Variants in BBS7 observed in about 807,000 individuals in gnomAD.
BBS7 encodes Bardet-Biedl syndrome 7.
Under a neutral mutation model 90.3 loss-of-function variants are expected in BBS7, and 50 were observed. That is an observed-to-expected ratio of 0.55 (90% CI 0.44 to 0.70). BBS7 has a LOEUF of 0.70. Ranked by LOEUF, BBS7 falls within the 30% of genes least tolerant of loss-of-function variation. The probability of loss-of-function intolerance (pLI) is 0.00; values close to 1 mark genes in which losing one functional copy is unlikely to be tolerated. For missense variants in BBS7, 729 were observed against 838.9 expected, an observed-to-expected ratio of 0.87 and a Z score of 1.62; for synonymous variants, 235 against 287.4, an observed-to-expected ratio of 0.82 and a Z score of 1.85.
chr4:121,848,373 C>T (rs1217531158), intron 9 of BBS7, among the ~76,000 whole-genome samples: 1 of 152,152 alleles, frequency 6.6e-6, no homozygotes, highest in Non-Finnish European at 1.5e-5. Context: ...TGATGTGAAT[C>T]ATCCCTTTGT....
At chr4:121,851,866 A>T (rs555073102) in intron 8 of BBS7, among the ~76,000 whole-genome samples, 39 of 152,222 alleles carry the variant, frequency 2.6e-4, no homozygotes, top group Non-Finnish European at 5.0e-4. Context: ...GACAGAAGAA[A>T]TAGGAAGAGG....
chr4:121,825,831 C>T lies in BBS7; in HGVS notation c.*29G>A. 6.2e-7 allele frequency: 1 copy of T among 1,609,572 alleles called. No homozygotes were observed. The highest frequency in any genetic ancestry group is 1.1e-5 in the South Asian group (1 of 90,858). On this transcript the variant is annotated 3_prime_UTR_variant, in exon 19 of 19. Transcript: ENST00000264499. ...TAACATTTTTCATTTAAACAGACCA[C>T]TTCTTTGGGACTTTACCTTATTTGT...
At chr4:121,846,514 T>C (rs6854003) in intron 10 of BBS7, among the ~76,000 whole-genome samples, 151,774 of 152,304 alleles carry the variant, frequency 1, 75,622 homozygotes, top group Middle Eastern at 1. Flanking sequence ...CAGATATAAG[T>C]TTCTCATAAA....
chr4:121,866,239 GT>G (rs1727265307), intron 2 of BBS7, among the ~76,000 whole-genome samples: 1 of 151,908 alleles, frequency 6.6e-6, no homozygotes, highest in African/African-American at 2.4e-5. Flanking sequence ...GATCCCACTT[GT>G]TTATTTTTGC....
At chr4:121,854,250 T>C (rs760696022) in intron 7 of BBS7, among the ~76,000 whole-genome samples, 1 of 152,202 alleles carries the variant, frequency 6.6e-6, no homozygotes, top group Non-Finnish European at 1.5e-5. Context: ...TATATGAACA[T>C]CCTGAACATA....
intron 6 of BBS7, among the ~76,000 whole-genome samples, chr4:121,855,240 C>A (rs937665731): frequency 6.6e-6 from 1 of 151,932 alleles, no homozygotes; most frequent in Admixed American, 6.6e-5. Context: ...CCTGGGAGGT[C>A]GAGGCCGTGG....
At position 121,853,442 on chromosome 4, in the gene BBS7, C is replaced by T. The variant is rs533155641; in HGVS notation, c.719-356G>A. 1.4e-3 allele frequency among the ~76,000 whole-genome samples: 219 copies of T among 152,196 alleles called. 1 individual carries two copies. The highest frequency in any genetic ancestry group is 2.7e-3 in the Non-Finnish European group (183 of 68,002). ...CATACCCCCTCAATACTGCTCCTCCCTCTGTCTTCCCCCATCTCCATAAAT... is the reference window on the plus strand; with the variant it reads ...CATACCCCCTCAATACTGCTCCTCCTTCTGTCTTCCCCCATCTCCATAAAT... On this transcript the variant is annotated intron_variant, in intron 7 of 18. Transcript: ENST00000264499.
At position 121,828,669 on chromosome 4, in the gene BBS7, A is replaced by C; in HGVS notation, c.1736T>G (p.Val579Gly). The C allele has an allele frequency of 1.2e-6, 2 of 1,610,638 alleles. No homozygotes were observed. Among genetic ancestry groups the C allele is most frequent in the Non-Finnish European group, 8.5e-7 (1 of 1,177,558 alleles). ...CCTTTTTGTAGCTTCTTTAGAAAGC[A>C]CATCTTTTAGGATGGAGATAGTAGA... Reference protein sequence around the residue: ...NISTISILKDVLSKEATKRKI... With the variant: ...NISTISILKDGLSKEATKRKI... Residue 579 changes from valine (V) to glycine (G), a missense_variant, in exon 16 of 19, where the codon GTG (valine) becomes GGG (glycine). By Grantham distance (109) the Val-to-Gly change is moderately radical. Transcript: ENST00000264499.
At chr4:121,839,528 G>A (rs1189940188) in intron 13 of BBS7, 103 bp downstream of exon 13, 15 of 984,582 alleles carry the variant, frequency 1.5e-5, no homozygotes, top group Non-Finnish European at 2.4e-5. Context: ...TTCATTTCAG[G>A]GAGAAATTAA....
intron 11 of BBS7, 122 bp downstream of exon 11, chr4:121,845,381 TA>T: frequency 1.8e-6 from 1 of 558,854 alleles, no homozygotes; most frequent in Non-Finnish European, 2.8e-6. Flanking sequence ...AAAATAAAAA[TA>T]AAAATAAAAA....
chr4:121,858,738 A>T (rs1200222312), intron 5 of BBS7: 1 of 413,076 alleles, frequency 2.4e-6, no homozygotes, highest in East Asian at 4.7e-5. Flanking sequence ...CTCCATTCTG[A>T]TAATAGCTCA....
chr4:121,825,810 A>G lies in BBS7; in HGVS notation c.*50T>C. On this transcript the variant is annotated 3_prime_UTR_variant, in exon 19 of 19. Transcript: ENST00000264499. ...AGTTAACTTCTAATTCTCTTTTAAC[A>G]TTTTTCATTTAAACAGACCACTTCT... 1.3e-6 allele frequency: 2 copies of G among 1,587,184 alleles called. No homozygotes were observed. The highest frequency in any genetic ancestry group is 1.1e-5 in the South Asian group (1 of 89,342).
In BBS7 at chr4:121,831,936, C is replaced by T. The variant is rs146703228; in HGVS notation, c.1676+1295G>A. Reference sequence around the variant, plus strand: ...CACAATAATCTGCTTAGGGAAAGAACCTTAAGAGGCAGAGGCAGAGAAAGA... The same window carrying T: ...CACAATAATCTGCTTAGGGAAAGAATCTTAAGAGGCAGAGGCAGAGAAAGA... On this transcript the variant is annotated intron_variant, in intron 15 of 18. Transcript: ENST00000264499. Among the ~76,000 whole-genome samples, 166 of 151,376 alleles carry T rather than the reference C, an allele frequency of 1.1e-3. 1 individual carries two copies. Among genetic ancestry groups the T allele is most frequent in the African/African-American group, 3.8e-3 (158 of 41,134 alleles).
At chr4:121,832,828 T>C (rs985453134) in intron 15 of BBS7, among the ~76,000 whole-genome samples, 56 of 152,226 alleles carry the variant, frequency 3.7e-4, no homozygotes, top group African/African-American at 1.2e-3. Context: ...TTGATGACTA[T>C]AGAATATATT....
chr4:121,840,840 CTT>C (rs140599414), intron 12 of BBS7, among the ~76,000 whole-genome samples: 26 of 141,998 alleles, frequency 1.8e-4, no homozygotes, highest in Middle Eastern at 3.7e-3. Flanking sequence ...TAAATATATT[CTT>C]TTTTTTTTTT....
At chr4:121,863,387 G>A (rs1373750485) in intron 2 of BBS7, 108 bp from the exon 3 acceptor site, 1 of 961,000 alleles carries the variant, frequency 1.0e-6, no homozygotes, top group African/African-American at 1.7e-5. Flanking sequence ...ACTTAATAGA[G>A]ATCAGAAAAT....
chr4:121,833,562 G>GA (rs1165091294), intron 14 of BBS7, among the ~76,000 whole-genome samples, 167 bp from the exon 15 acceptor site: 12 of 151,838 alleles, frequency 7.9e-5, no homozygotes, highest in East Asian at 1.9e-4. Context: ...TCAATTTCAT[G>GA]AAAAAAAATC....
chr4:121,870,408 C>G lies in BBS7; in HGVS notation c.-95G>C. 1 of 1,472,152 alleles carries G rather than the reference C, an allele frequency of 6.8e-7. No individual in the cohort carries two copies. The highest frequency in any genetic ancestry group is 2.3e-5 in the East Asian group (1 of 43,258). The allele number at this position is 1,472,152 out of a possible 1,614,324, so 91.2% of individuals were successfully genotyped here. A position where few individuals can be genotyped will look rare whatever the true frequency, so the allele number is the denominator to read the frequency against. On this transcript the variant is annotated 5_prime_UTR_variant, in exon 1 of 19. Coordinates refer to ENST00000264499, the MANE Select transcript of BBS7 (RefSeq NM_176824.3). ...CCTCCGACCCAGTCAGAAGGCTGCC[C>G]GCGCCCCTCAAAAGCCAGCCCCAGC...
chr4:121,858,980 A>G lies in BBS7; in HGVS notation c.528+12T>C. ...TAATATAAAAAATTAGAAAAATACA[A>G]ATAACAGCAACCTGTAAAACTCTGA... On this transcript the variant is annotated intron_variant, in intron 5 of 18. Coordinates refer to ENST00000264499, the MANE Select transcript of BBS7 (RefSeq NM_176824.3). 1 of 1,611,150 alleles carries G rather than the reference A, an allele frequency of 6.2e-7. No homozygotes were observed. Among genetic ancestry groups the G allele is most frequent in the Non-Finnish European group, 8.5e-7 (1 of 1,177,648 alleles).
Sources: gnomAD v4.1 joint callset for allele counts (sites outside exome capture counted in the v4.1 genomes callset) on GRCh38, gnomAD v4.1.1 for gene constraint, MANE v1.5 for transcripts, NCBI Gene and HGNC (gene_info 2026-07-23, HGNC 2026-07-21) for gene names.